Variants in CORO2B observed in about 807,000 individuals in gnomAD.
CORO2B encodes the protein coronin 2B.
Under a neutral mutation model 58.8 loss-of-function variants are expected in CORO2B, and 26 were observed. That is an observed-to-expected ratio of 0.44 (90% CI 0.32 to 0.61). CORO2B has a LOEUF of 0.61. Ranked by LOEUF, CORO2B falls within the 20% of genes least tolerant of loss-of-function variation. The pLI, the probability that CORO2B is intolerant of heterozygous loss-of-function variation, is 0.04. For synonymous variants in CORO2B, 242 were observed against 253.8 expected (o/e 0.95, Z 0.44); for missense variants, 460 against 645.1 (o/e 0.71, Z 3.11).
the CORO2B span, among the ~76,000 whole-genome samples, chr15:68,520,952 A>G: frequency 3.3e-5 from 5 of 152,118 alleles, no homozygotes; most frequent in Admixed American, 3.3e-4. Flanking sequence ...GGGAGGCTGA[A>G]GCAGGAGAAT....
In CORO2B at chr15:68,726,284, C is replaced by A; in HGVS notation, c.*310C>A. 2.8e-6 allele frequency: 1 copy of A among 355,902 alleles called. No homozygotes were observed. The highest frequency in any genetic ancestry group is 5.2e-6 in the Non-Finnish European group (1 of 193,720). The allele number at this position is 355,902 out of a possible 1,614,324, so 22.0% of individuals were successfully genotyped here. A position where few individuals can be genotyped will look rare whatever the true frequency, so the allele number is the denominator to read the frequency against. On this transcript the variant is annotated 3_prime_UTR_variant, in exon 12 of 12. Transcript: ENST00000261861. The stretch of plus-strand genomic sequence containing the variant: ...TTGGCAGGGGCTCCATCTCAGTGGA[C>A]CAGGAAGCAAGAGGGGAAGCGGGAT...
chr15:68,700,778 C>T (rs962807136), intron 3 of CORO2B, among the ~76,000 whole-genome samples: 1 of 150,000 alleles, frequency 6.7e-6, no homozygotes, highest in Non-Finnish European at 1.5e-5. Flanking sequence ...GTGCTCCCAG[C>T]CCTTCTCCTG....
the CORO2B span, among the ~76,000 whole-genome samples, chr15:68,545,005 G>A: frequency 6.6e-6 from 1 of 152,108 alleles, no homozygotes; most frequent in Non-Finnish European, 1.5e-5. Context: ...TCGATCTCCT[G>A]ACCTCGTGAT....
At chr15:68,556,839 C>T in the CORO2B span, among the ~76,000 whole-genome samples, 1 of 152,170 alleles carries the variant, frequency 6.6e-6, no homozygotes, top group Non-Finnish European at 1.5e-5. Flanking sequence ...GAGCCCTGGC[C>T]ACCTCCTAGA....
At chr15:68,571,069 C>T in the CORO2B span, among the ~76,000 whole-genome samples, 1 of 152,156 alleles carries the variant, frequency 6.6e-6, no homozygotes, top group Non-Finnish European at 1.5e-5. Flanking sequence ...ATCTAAAAGC[C>T]ATGCCCCAGG....
chr15:68,709,605 C>T (rs750916630), intron 3 of CORO2B, among the ~76,000 whole-genome samples: 14 of 151,806 alleles, frequency 9.2e-5, no homozygotes, highest in Middle Eastern at 6.8e-3. Flanking sequence ...TATAAGCGTG[C>T]GCCACTACAC....
At chr15:68,686,036 T>C (rs12440345) in intron 2 of CORO2B, among the ~76,000 whole-genome samples, 1,787 of 89,122 alleles carry the variant, frequency 0.02, 3 homozygotes, top group Non-Finnish European at 0.039. Flanking sequence ...TTTTTTTTTT[T>C]TCTTTTTTTT....
the CORO2B span, among the ~76,000 whole-genome samples, chr15:68,529,171 ACT>A: frequency 6.6e-6 from 1 of 151,744 alleles, no homozygotes; most frequent in East Asian, 1.9e-4. Flanking sequence ...TTATTCCCTG[ACT>A]CTCTGTGGGT....
chr15:68,720,868 T>C (rs1010913903), intron 11 of CORO2B, among the ~76,000 whole-genome samples: 1 of 152,186 alleles, frequency 6.6e-6, no homozygotes, highest in Non-Finnish European at 1.5e-5. Flanking sequence ...CTAGACAGTC[T>C]ATACCACCAA....
chr15:68,702,744 C>T (rs577896787), intron 3 of CORO2B, among the ~76,000 whole-genome samples: 1 of 151,810 alleles, frequency 6.6e-6, no homozygotes, highest in Non-Finnish European at 1.5e-5. Context: ...AATCTTGGAG[C>T]CAATGATTGT....
intron 1 of CORO2B, among the ~76,000 whole-genome samples, chr15:68,602,831 G>A (rs1315724637): frequency 6.6e-6 from 1 of 152,206 alleles, no homozygotes; most frequent in African/African-American, 2.4e-5. Flanking sequence ...AAAATGTCTC[G>A]TGGAAGCAAG....
intron 3 of CORO2B, 143 bp downstream of exon 3, chr15:68,695,399 T>A: frequency 1.5e-6 from 1 of 652,068 alleles, no homozygotes; most frequent in East Asian, 2.6e-5. Context: ...CCCCACGATG[T>A]GGGGGGGATG....
At chr15:68,590,775 G>T (rs1247193967) in intron 1 of CORO2B, among the ~76,000 whole-genome samples, 1 of 152,182 alleles carries the variant, frequency 6.6e-6, no homozygotes, top group South Asian at 2.1e-4. Flanking sequence ...AGGGGTTCCT[G>T]AGAGGCAAAT....
intron 1 of CORO2B, chr15:68,631,853 T>C: frequency 1.4e-6 from 1 of 734,960 alleles, no homozygotes; most frequent in Non-Finnish European, 1.7e-6. Context: ...AGACAGCCCC[T>C]CCTGAGCTGC....
chr15:68,668,098 G>A (rs1190605867), intron 2 of CORO2B, among the ~76,000 whole-genome samples: 5 of 152,212 alleles, frequency 3.3e-5, no homozygotes, highest in South Asian at 2.1e-4. Context: ...GAGGAAACAG[G>A]TATAGCTTAT....
chr15:68,647,689 C>A (rs1400158547), intron 2 of CORO2B, among the ~76,000 whole-genome samples: 18 of 122,782 alleles, frequency 1.5e-4, no homozygotes, highest in South Asian at 2.7e-4. Context: ...AACTCCATCT[C>A]AAAAAAAAAA....
intron 2 of CORO2B, among the ~76,000 whole-genome samples, chr15:68,655,775 G>T (rs1410937952): frequency 6.6e-6 from 1 of 152,218 alleles, no homozygotes; most frequent in Non-Finnish European, 1.5e-5. Context: ...TCCACAAAGG[G>T]CGGCCATCCC....
intron 1 of CORO2B, among the ~76,000 whole-genome samples, chr15:68,634,576 A>G (rs978294559): frequency 2.6e-5 from 4 of 152,166 alleles, no homozygotes; most frequent in Non-Finnish European, 5.9e-5. Flanking sequence ...GCTCCTTGCA[A>G]TGCCACTCAG....
chr15:68,561,157 GT>G, the CORO2B span, among the ~76,000 whole-genome samples: 617 of 152,240 alleles, frequency 4.1e-3, 4 homozygotes, highest in African/African-American at 0.014. Context: ...CTTGAAGAGG[GT>G]TTTTTTCCAG....
Sources: gnomAD v4.1 joint callset for allele counts (sites outside exome capture counted in the v4.1 genomes callset) on GRCh38, gnomAD v4.1.1 for gene constraint, MANE v1.5 for transcripts, NCBI Gene and HGNC (gene_info 2026-07-23, HGNC 2026-07-21) for gene names.